DRC3: variants seen among roughly 807,000 people sequenced by gnomAD.
DRC3 encodes the protein leucine rich repeat containing 48.
In DRC3, 45 loss-of-function variants were observed where a neutral mutation model predicts 57.6. The observed-to-expected ratio is 0.78, with a 90% confidence interval of 0.62 to 1.00. DRC3 has a LOEUF of 1.00. DRC3 is among the 50% of genes least tolerant of loss of function. The pLI is 0.00. For missense variants in DRC3, 655 were observed against 675.2 expected (o/e 0.97, Z 0.33); for synonymous variants, 257 against 272.3 (o/e 0.94, Z 0.55).
intron 9 of DRC3, among the ~76,000 whole-genome samples, chr17:17,999,199 G>A (rs1452278508): frequency 6.6e-6 from 1 of 152,186 alleles, no homozygotes; most frequent in Non-Finnish European, 1.5e-5. Flanking sequence ...CGTGCCACTT[G>A]CTCCTCCGTT....
chr17:18,012,101 G>C (rs983816901), intron 12 of DRC3, among the ~76,000 whole-genome samples: 2 of 151,968 alleles, frequency 1.3e-5, no homozygotes, highest in Non-Finnish European at 2.9e-5. Context: ...AGTAACACAG[G>C]GTTTTTATAT....
chr17:18,006,211 T>C lies in DRC3; in HGVS notation c.1160T>C (p.Ile387Thr), dbSNP rs771056583. The C allele has an allele frequency of 5.0e-6, 8 of 1,612,472 alleles. No individual in the cohort carries two copies. The highest frequency in any genetic ancestry group is 1.7e-4 in the Middle Eastern group (1 of 6,058). Residue 387 changes from isoleucine (I) to threonine (T), a missense_variant, in exon 11 of 14, where the codon ATT becomes ACT. Transcript: ENST00000399187. ...EETINMFERN[I>T]VDMVGLFIEN... ...ACTATAAACATGTTTGAAAGGAACA[T>C]TGTTGACATGGTAGGACTGTTTATC...
chr17:18,011,053 G>C (rs1359730225), intron 12 of DRC3: 2 of 208,802 alleles, frequency 9.6e-6, no homozygotes, highest in African/African-American at 4.8e-5. Context: ...CACCTCCCAG[G>C]TTCAAGTGAT....
chr17:17,974,797 T>G (rs564790624), intron 2 of DRC3, among the ~76,000 whole-genome samples: 1 of 152,328 alleles, frequency 6.6e-6, no homozygotes, highest in Admixed American at 6.5e-5. Flanking sequence ...TTGTCATGGT[T>G]TGTAGTTAAA....
In DRC3 at chr17:18,004,307, C is replaced by G. The variant is rs2043863754; in HGVS notation, c.1000-56C>G. 7.8e-6 allele frequency: 12 copies of G among 1,545,228 alleles called. No homozygotes were observed. The South Asian group carries it at 1.3e-4, about 17-fold the overall frequency. On this transcript the variant is annotated intron_variant, in intron 9 of 13. Coordinates refer to ENST00000399187, the MANE Select transcript of DRC3 (RefSeq NM_031294.4). ...ACCCACAAAACCAAATTGCCACCTGCCATTATCTAATTACACTTAGTTGTT... is the reference window on the plus strand; with the variant it reads ...ACCCACAAAACCAAATTGCCACCTGGCATTATCTAATTACACTTAGTTGTT...
chr17:17,980,421 A>G (rs2042614122), intron 3 of DRC3, among the ~76,000 whole-genome samples: 1 of 151,916 alleles, frequency 6.6e-6, no homozygotes, highest in African/African-American at 2.4e-5. Flanking sequence ...CAGCCTCCCA[A>G]GTAGCTGGAA....
At chr17:17,999,986 G>C (rs1380810619) in intron 9 of DRC3, among the ~76,000 whole-genome samples, 1 of 152,114 alleles carries the variant, frequency 6.6e-6, no homozygotes, top group Non-Finnish European at 1.5e-5. Flanking sequence ...TTTCGTGTGT[G>C]TGTGTGAGCA....
intron 5 of DRC3, 149 bp from the exon 6 acceptor site, chr17:17,992,616 C>A (rs1316727372): frequency 4.2e-5 from 33 of 778,288 alleles, no homozygotes; most frequent in Middle Eastern, 7.5e-4. Flanking sequence ...GGAACACCCC[C>A]ACGCCTGCAC....
At chr17:18,014,300 G>A (rs548864705) in intron 12 of DRC3, among the ~76,000 whole-genome samples, 1 of 152,296 alleles carries the variant, frequency 6.6e-6, no homozygotes, top group South Asian at 2.1e-4. Context: ...CCACAGAGCA[G>A]GGCAACAGCT....
intron 9 of DRC3, among the ~76,000 whole-genome samples, chr17:17,998,543 A>C: frequency 6.6e-6 from 1 of 152,236 alleles, no homozygotes. Flanking sequence ...CTTGTAGCAT[A>C]AGGGGCTTTA....
intron 9 of DRC3, 147 bp from the exon 10 acceptor site, chr17:18,004,216 T>C (rs2145410541): frequency 1.2e-6 from 1 of 849,124 alleles, no homozygotes; most frequent in South Asian, 1.7e-5. Flanking sequence ...TCTACACGCT[T>C]TCAGAGCCAG....
chr17:18,013,122 G>T (rs1298509428), intron 12 of DRC3, among the ~76,000 whole-genome samples: 1 of 152,110 alleles, frequency 6.6e-6, no homozygotes, highest in Non-Finnish European at 1.5e-5. Flanking sequence ...CCCCACTTAG[G>T]ATGATAATTA....
At chr17:17,998,529 C>T (rs2043556873) in intron 9 of DRC3, among the ~76,000 whole-genome samples, 1 of 152,220 alleles carries the variant, frequency 6.6e-6, no homozygotes, top group Non-Finnish European at 1.5e-5. Flanking sequence ...ACACACCAAG[C>T]TTGCTTGTAG....
In DRC3 at chr17:17,977,393, G is replaced by T. The variant is rs186669139; in HGVS notation, c.-17-189G>T. 605 of 621,832 alleles carry T rather than the reference G, an allele frequency of 9.7e-4. 1 individual carries two copies. The African/African-American group carries it at 0.01, about 10-fold the overall frequency. 38.5% of individuals were successfully genotyped at this position (621,832 alleles called of 1,614,324 possible). ...ACCCTGTGGACAGGCCCAGGTGGTT[G>T]CCAGGAAGCCCTGGAGCAGCCTTGG... On this transcript the variant is annotated intron_variant, in intron 2 of 13. Coordinates refer to ENST00000399187, the MANE Select transcript of DRC3 (RefSeq NM_031294.4).
At chr17:17,997,430 CA>C (rs1192405394) in intron 8 of DRC3, 29 bp from the exon 9 acceptor site, 7 of 1,609,338 alleles carry the variant, frequency 4.3e-6, no homozygotes, top group Non-Finnish European at 5.9e-6. Context: ...GCTCCTGAAA[CA>C]GCTGTGGGCT....
chr17:17,998,051 A>T (rs2043536473), intron 9 of DRC3, among the ~76,000 whole-genome samples: 1 of 152,276 alleles, frequency 6.6e-6, no homozygotes, highest in East Asian at 1.9e-4. Context: ...GCCTGATCCT[A>T]AGAAGCTAGA....
chr17:17,981,004 C>T (rs1381741833), intron 3 of DRC3, among the ~76,000 whole-genome samples: 1 of 152,236 alleles, frequency 6.6e-6, no homozygotes, highest in Non-Finnish European at 1.5e-5. Flanking sequence ...CAGTGCTTTA[C>T]TGAGTTCTCA....
intron 9 of DRC3, 82 bp from the exon 10 acceptor site, chr17:18,004,281 T>A (rs757918783): frequency 6.8e-7 from 1 of 1,477,914 alleles, no homozygotes; most frequent in Non-Finnish European, 9.2e-7. Flanking sequence ...TCCAAATTCT[T>A]ACCCACAAAA....
chr17:17,975,888 A>G (rs2042364176), intron 2 of DRC3, among the ~76,000 whole-genome samples: 1 of 152,214 alleles, frequency 6.6e-6, no homozygotes, highest in Non-Finnish European at 1.5e-5. Context: ...GGGACAGTTC[A>G]GGGCAGAGGA....
Sources: gnomAD v4.1 joint callset for allele counts (sites outside exome capture counted in the v4.1 genomes callset) on GRCh38, gnomAD v4.1.1 for gene constraint, MANE v1.5 for transcripts, NCBI Gene and HGNC (gene_info 2026-07-23, HGNC 2026-07-21) for gene names.